Variants in GPC5 observed in about 807,000 individuals in gnomAD.
The protein encoded by GPC5 is glypican 5.
Under a neutral mutation model 53.9 loss-of-function variants are expected in GPC5, and 47 were observed. The ratio of observed to expected loss-of-function variants is 0.87; its 90% CI spans 0.69 to 1.11. The LOEUF (loss-of-function observed/expected upper bound fraction) is 1.11. Among genes scored for constraint, GPC5 ranks in the 50% most tolerant of loss-of-function variants. The pLI is 0.00. For missense variants in GPC5, 748 were observed against 713.1 expected, an observed-to-expected ratio of 1.05 and a Z score of -0.56; for synonymous variants, 286 against 263.3, an observed-to-expected ratio of 1.09 and a Z score of -0.84.
chr13:92,629,216 C>T (rs1246551217), intron 7 of GPC5, among the ~76,000 whole-genome samples: 1 of 152,182 alleles, frequency 6.6e-6, no homozygotes, highest in African/African-American at 2.4e-5. Flanking sequence ...AACTCAAATC[C>T]TTTCCAGTTA....
At chr13:92,410,278 G>A (rs1019722483) in intron 7 of GPC5, among the ~76,000 whole-genome samples, 15 of 152,124 alleles carry the variant, frequency 9.9e-5, no homozygotes, top group African/African-American at 3.6e-4. Context: ...GCAGTATCCA[G>A]GGGCACAGAT....
intron 2 of GPC5, among the ~76,000 whole-genome samples, chr13:91,576,315 C>T (rs2032132864): frequency 3.6e-5 from 1 of 27,786 alleles, no homozygotes; most frequent in South Asian, 1.9e-3. Flanking sequence ...AGCCAATACA[C>T]AATGTGTATA....
At chr13:91,572,215 A>ATATACACATATGTATATATACGTG in intron 2 of GPC5, among the ~76,000 whole-genome samples, 1 of 47,536 alleles carries the variant, frequency 2.1e-5, no homozygotes, top group Non-Finnish European at 3.6e-5. Context: ...ATATACGTGT[A>ATATACACATATGTATATATACGTG]TATATATACA....
intron 3 of GPC5, 38 bp downstream of exon 3, chr13:91,693,919 T>A (rs2035823316): frequency 6.9e-7 from 1 of 1,439,950 alleles, no homozygotes; most frequent in Non-Finnish European, 9.5e-7. Flanking sequence ...TGACTTCTTG[T>A]AATTCAAATA....
intron 6 of GPC5, among the ~76,000 whole-genome samples, chr13:92,105,616 C>G (rs2041503735): frequency 6.6e-6 from 1 of 151,790 alleles, no homozygotes; most frequent in African/African-American, 2.4e-5. Flanking sequence ...GGTGTTTAAT[C>G]AAGGAAATAC....
intron 7 of GPC5, among the ~76,000 whole-genome samples, chr13:92,301,122 T>G (rs2043072401): frequency 6.6e-6 from 1 of 152,196 alleles, no homozygotes; most frequent in South Asian, 2.1e-4. Context: ...TATCTGCAAA[T>G]GAAACCTCTG....
intron 7 of GPC5, among the ~76,000 whole-genome samples, chr13:92,289,818 TTTTTA>T (rs1230456973): frequency 6.6e-6 from 1 of 151,928 alleles, no homozygotes. Context: ...TCTCTATATA[TTTTTA>T]TATTTTTATT....
chr13:92,195,944 A>G (rs2139053567), intron 7 of GPC5, among the ~76,000 whole-genome samples: 1 of 152,306 alleles, frequency 6.6e-6, no homozygotes, highest in East Asian at 1.9e-4. Context: ...GGGTTTAAGG[A>G]GAGTGTAGCA....
chr13:91,404,758 G>A (rs966467666), intron 1 of GPC5, among the ~76,000 whole-genome samples: 1 of 152,182 alleles, frequency 6.6e-6, no homozygotes, highest in Non-Finnish European at 1.5e-5. Flanking sequence ...ATGGAAGAAT[G>A]TATGTTTTCT....
chr13:92,089,741 G>T (rs2041364495), intron 6 of GPC5, among the ~76,000 whole-genome samples: 1 of 152,034 alleles, frequency 6.6e-6, no homozygotes, highest in South Asian at 2.1e-4. Flanking sequence ...TTTAAGATTA[G>T]TTACAATGAA....
In GPC5 at chr13:91,545,612, C is replaced by G. The variant is rs186835890; in HGVS notation, c.325+96690C>G. Among the ~76,000 whole-genome samples the G allele has an allele frequency of 1.2e-3, 175 of 152,170 alleles. 1 individual carries two copies. Among genetic ancestry groups the G allele is most frequent in the African/African-American group, 4.0e-3 (165 of 41,528 alleles). The stretch of plus-strand genomic sequence containing the variant: ...AAGGTGCACAATACATTGTTACTGA[C>G]TGTAGGTACAGTGATGTACAGTAGA... On this transcript the variant is annotated intron_variant, in intron 2 of 7. Coordinates refer to ENST00000377067, the MANE Select transcript of GPC5 (RefSeq NM_004466.6).
chr13:91,565,153 C>A (rs2031474187), intron 2 of GPC5, among the ~76,000 whole-genome samples: 1 of 151,910 alleles, frequency 6.6e-6, no homozygotes, highest in Admixed American at 6.6e-5. Flanking sequence ...CCACGCCTGG[C>A]TAAGTTTTGT....
chr13:92,809,910 G>T (rs1002397777), intron 7 of GPC5, among the ~76,000 whole-genome samples: 1 of 152,036 alleles, frequency 6.6e-6, no homozygotes, highest in Non-Finnish European at 1.5e-5. Flanking sequence ...CCTAGTGTGT[G>T]TGTCACTCTG....
At chr13:92,405,782 GA>G (rs1045705562) in intron 7 of GPC5, among the ~76,000 whole-genome samples, 1 of 151,884 alleles carries the variant, frequency 6.6e-6, no homozygotes, top group Non-Finnish European at 1.5e-5. Context: ...CAACCACTGG[GA>G]AAAAAAAGTC....
intron 1 of GPC5, among the ~76,000 whole-genome samples, chr13:91,416,619 C>T (rs1878248233): frequency 6.6e-6 from 1 of 152,074 alleles, no homozygotes; most frequent in Admixed American, 6.5e-5. Flanking sequence ...GCCTCCCACC[C>T]CCTGACAGGC....
intron 7 of GPC5, among the ~76,000 whole-genome samples, chr13:92,495,340 C>G (rs1005922013): frequency 2.6e-5 from 4 of 152,104 alleles, no homozygotes; most frequent in Non-Finnish European, 4.4e-5. Flanking sequence ...TCTGCTGGTA[C>G]TTTTCAATTA....
intron 1 of GPC5, among the ~76,000 whole-genome samples, chr13:91,403,242 A>C (rs1209010167): frequency 6.6e-6 from 1 of 152,246 alleles, no homozygotes; most frequent in Non-Finnish European, 1.5e-5. Context: ...CCAGCCAGGA[A>C]CCACTGGAAA....
intron 6 of GPC5, among the ~76,000 whole-genome samples, chr13:91,950,171 C>A (rs934915523): frequency 6.6e-6 from 1 of 151,588 alleles, no homozygotes; most frequent in African/African-American, 2.4e-5. Flanking sequence ...CACTATACCT[C>A]TTTTATGATT....
At chr13:91,816,976 G>A (rs777477868) in intron 5 of GPC5, among the ~76,000 whole-genome samples, 7 of 152,276 alleles carry the variant, frequency 4.6e-5, no homozygotes, top group African/African-American at 1.2e-4. Context: ...CTAAGAACAC[G>A]TATTTCTCTT....
Sources: gnomAD v4.1 joint callset for allele counts (sites outside exome capture counted in the v4.1 genomes callset) on GRCh38, gnomAD v4.1.1 for gene constraint, MANE v1.5 for transcripts, NCBI Gene and HGNC (gene_info 2026-07-23, HGNC 2026-07-21) for gene names.